PRPF6: variants seen among roughly 807,000 people sequenced by gnomAD.
PRPF6 encodes pre-mRNA processing factor 6, also known as pre-mRNA-processing factor 6.
In PRPF6, 42 loss-of-function variants were observed where a neutral mutation model predicts 118.3. That is an observed-to-expected ratio of 0.35 (90% CI 0.28 to 0.46). The LOEUF is 0.46. PRPF6 is among the 20% of genes least tolerant of loss of function. The pLI is 1.00. For synonymous variants in PRPF6, 481 were observed against 485.1 expected (o/e 0.99, Z 0.11); for missense variants, 662 against 1,255.7 (o/e 0.53, Z 7.15).
intron 6 of PRPF6, 67 bp downstream of exon 6, chr20:63,995,549 T>C: frequency 6.3e-7 from 1 of 1,578,550 alleles, no homozygotes; most frequent in East Asian, 2.2e-5. Flanking sequence ...TTGTTTTCTT[T>C]TTCTCCTTCT....
chr20:64,019,735 CAG>C (rs1454939738), intron 12 of PRPF6, among the ~76,000 whole-genome samples: 1 of 152,262 alleles, frequency 6.6e-6, no homozygotes, highest in Non-Finnish European at 1.5e-5. Context: ...CTGACCCCCT[CAG>C]ATGCTCCTGG....
intron 12 of PRPF6, among the ~76,000 whole-genome samples, chr20:64,021,787 CGT>C (rs1177117127): frequency 2.3e-5 from 2 of 87,832 alleles, no homozygotes; most frequent in South Asian, 4.0e-4. Context: ...TGTGTGTGTG[CGT>C]GTGTATGCGT....
chr20:64,009,011 G>C (rs139714126), intron 9 of PRPF6, among the ~76,000 whole-genome samples: 3 of 152,172 alleles, frequency 2.0e-5, no homozygotes, highest in South Asian at 2.1e-4. Context: ...TAGGTCGGGC[G>C]TGGTGGCTCA....
chr20:64,010,659 G>GAA (rs1203313787), intron 10 of PRPF6, among the ~76,000 whole-genome samples: 1 of 152,226 alleles, frequency 6.6e-6, no homozygotes, highest in African/African-American at 2.4e-5. Context: ...CAGCGTGATA[G>GAA]AAAACATTGC....
Position 64,026,196 on chromosome 20 carries a change from A to G in PRPF6, c.2028+138A>G. On this transcript the variant is annotated intron_variant, in intron 15 of 20. Transcript: ENST00000266079. This position sits in a 1 kb window ranked among gnomAD's most constrained non-coding sequence, Gnocchi z 4.4. ...ACAGCACACTCATCTTTGTGATGTG[A>G]CTAAAACATTCATGTGGCCGGGCGT... 6.8e-7 allele frequency: 1 copy of G among 1,462,372 alleles called. No individual in the cohort carries two copies. The highest frequency in any genetic ancestry group is 2.0e-5 in the Admixed American group (1 of 51,130). 90.6% of individuals were successfully genotyped at this position (1,462,372 alleles called of 1,614,324 possible).
chr20:64,030,549 G>A (rs2059310075), intron 19 of PRPF6, among the ~76,000 whole-genome samples: 1 of 152,190 alleles, frequency 6.6e-6, no homozygotes, highest in Non-Finnish European at 1.5e-5. Flanking sequence ...ACAGATGAGA[G>A]AGGCTCCCCA....
intron 9 of PRPF6, among the ~76,000 whole-genome samples, chr20:64,007,732 G>T (rs554626381): frequency 2.0e-5 from 3 of 152,192 alleles, no homozygotes; most frequent in Admixed American, 2.0e-4. Context: ...CTCCCAAAAT[G>T]CTGGGATTAT....
chr20:63,995,531 A>G (rs938379163), intron 6 of PRPF6, 49 bp downstream of exon 6: 15 of 1,609,822 alleles, frequency 9.3e-6, no homozygotes, highest in Non-Finnish European at 1.3e-5. Context: ...AGACAGTTTA[A>G]TTTTGTTTTG....
Position 64,024,550 on chromosome 20 carries a change from T to G in PRPF6, c.1770-5T>G. ...CTCTGGTGACCGTGGCCTCTTATCT[T>G]GCAGGGAGTCCCTGGAAGCACTCCT... On this transcript the variant is annotated splice_polypyrimidine_tract_variant and splice_region_variant and intron_variant, in intron 13 of 20. Coordinates refer to ENST00000266079, the MANE Select transcript of PRPF6 (RefSeq NM_012469.4). The G allele has an allele frequency of 6.2e-7, 1 of 1,613,392 alleles. No homozygotes were observed. Among genetic ancestry groups the G allele is most frequent in the Non-Finnish European group, 8.5e-7 (1 of 1,180,014 alleles).
intron 1 of PRPF6, 141 bp from the exon 2 acceptor site, chr20:63,982,906 C>G (rs961333351): frequency 1.0e-6 from 1 of 976,482 alleles, no homozygotes; most frequent in Non-Finnish European, 1.6e-6. Context: ...GTGTTTGAGA[C>G]TGCAGTTCAT....
rs2059216881 is a variant in PRPF6 at position 64,011,451 on chromosome 20, T to C, written c.1472T>C (p.Ile491Thr). 2 of 1,614,096 alleles carry C rather than the reference T, an allele frequency of 1.2e-6. No individual in the cohort carries two copies. Among genetic ancestry groups the C allele is most frequent in the Non-Finnish European group, 1.7e-6 (2 of 1,180,036 alleles). Residue 491 changes from isoleucine to threonine, a missense_variant, in exon 11 of 21, where the codon ATC becomes ACC. Ile to Thr is a moderately conservative substitution (Grantham distance 89). Around this residue, in one of 10 missense-constraint regions of PRPF6, gnomAD observed 189 missense variants for 323.5 expected, o/e 0.58. Coordinates refer to ENST00000266079, the MANE Select transcript of PRPF6 (RefSeq NM_012469.4). This position sits in a 1 kb window ranked among gnomAD's most constrained non-coding sequence, Gnocchi z 6.7. ...QMVEKIIDRA[I>T]TSLRANGVEI... ...GTGGAGAAGATCATCGACCGAGCCATCACCTCGCTGCGGGCCAACGGTGTG... is the reference window on the plus strand; with the variant it reads ...GTGGAGAAGATCATCGACCGAGCCACCACCTCGCTGCGGGCCAACGGTGTG...
At chr20:64,016,522 C>T (rs957239641) in intron 11 of PRPF6, among the ~76,000 whole-genome samples, 18 of 152,180 alleles carry the variant, frequency 1.2e-4, no homozygotes, top group Non-Finnish European at 2.5e-4. Flanking sequence ...GAACAGTGTG[C>T]CTATGTCCTT....
At chr20:64,002,640 C>G (rs920761087) in intron 9 of PRPF6, among the ~76,000 whole-genome samples, 1 of 129,090 alleles carries the variant, frequency 7.7e-6, no homozygotes, top group African/African-American at 2.9e-5. Context: ...CTGGCCTTTT[C>G]TTTTCTTTTT....
At position 64,028,113 on chromosome 20, in the gene PRPF6, G is replaced by C. The variant is rs2059299784; in HGVS notation, c.2340-365G>C. Among the ~76,000 whole-genome samples, 1 of 152,210 alleles carries C rather than the reference G, an allele frequency of 6.6e-6. No individual in the cohort carries two copies. Among genetic ancestry groups the C allele is most frequent in the African/African-American group, 2.4e-5 (1 of 41,450 alleles). ...AGGTGCAGGCTCTGTTCATGGAGGT[G>C]CTGCGTCCAGCTCAGGGTGACGGGG... On this transcript the variant is annotated intron_variant, in intron 17 of 20. Coordinates refer to ENST00000266079, the MANE Select transcript of PRPF6 (RefSeq NM_012469.4). This position sits in a 1 kb window ranked among gnomAD's most constrained non-coding sequence, Gnocchi z 6.5.
chr20:63,996,511 C>T (rs895744488), intron 6 of PRPF6, among the ~76,000 whole-genome samples: 2 of 152,158 alleles, frequency 1.3e-5, no homozygotes, highest in African/African-American at 4.8e-5. Flanking sequence ...GATGGGGTGT[C>T]ACTAGGTTGC....
At chr20:64,031,165 G>A (rs1287099195) in intron 19 of PRPF6, among the ~76,000 whole-genome samples, 1 of 152,362 alleles carries the variant, frequency 6.6e-6, no homozygotes, top group East Asian at 1.9e-4. Flanking sequence ...AGGCCCTTGT[G>A]CTGCCTGGAG....
Position 64,027,494 on chromosome 20 carries a change from G to A in PRPF6, c.2206-109G>A. The A allele has an allele frequency of 1.3e-6, 2 of 1,500,472 alleles. No individual in the cohort carries two copies. Among genetic ancestry groups the A allele is most frequent in the Admixed American group, 3.3e-5 (2 of 59,824 alleles). The allele number at this position is 1,500,472 out of a possible 1,614,324, so 92.9% of individuals were successfully genotyped here. ...GTGAGGGGTGTTTTTCCATGGACAT[G>A]GCAGCCCTGAGGGACTCGGTCACCC... On this transcript the variant is annotated intron_variant, in intron 16 of 20. Coordinates refer to ENST00000266079, the MANE Select transcript of PRPF6 (RefSeq NM_012469.4). The surrounding 1 kb of genome is among the most constrained non-coding windows in gnomAD (Gnocchi z 6.5).
chr20:64,014,348 TATC>T (rs1316113160), intron 11 of PRPF6, among the ~76,000 whole-genome samples: 1 of 152,074 alleles, frequency 6.6e-6, no homozygotes, highest in Non-Finnish European at 1.5e-5. Context: ...AAGTTGAAAA[TATC>T]ATAAGTCTAA....
chr20:64,031,680 A>C (rs1167409855), intron 19 of PRPF6, among the ~76,000 whole-genome samples: 69 of 151,236 alleles, frequency 4.6e-4, no homozygotes, highest in Admixed American at 1.8e-3. Context: ...CTCAAAAAAA[A>C]AAAAAAAAAA....
Sources: allele counts gnomAD v4.1 joint callset (sites outside exome capture counted in the v4.1 genomes callset), GRCh38; gene constraint gnomAD v4.1.1; regional missense constraint gnomAD v4.1.1; non-coding constraint Gnocchi (gnomAD v3.1); transcripts MANE v1.5; gene names NCBI Gene and HGNC (gene_info 2026-07-23, HGNC 2026-07-21).